Variants in NTM observed in about 807,000 individuals in gnomAD.
NTM encodes IgLON family member 2.
In NTM, 13 loss-of-function variants were observed where a neutral mutation model predicts 42.1. The ratio of observed to expected loss-of-function variants is 0.31; its 90% CI spans 0.20 to 0.49. The LOEUF is 0.49. NTM is among the 20% of genes least tolerant of loss of function. The probability of loss-of-function intolerance (pLI) is 0.99; values close to 1 mark genes in which losing one functional copy is unlikely to be tolerated. For synonymous variants in NTM, 187 were observed against 179.2 expected, an observed-to-expected ratio of 1.04 and a Z score of -0.35; for missense variants, 373 against 452.8, an observed-to-expected ratio of 0.82 and a Z score of 1.60.
chr11:131,772,623 C>G (rs1348521228), intron 1 of NTM, among the ~76,000 whole-genome samples: 1 of 152,154 alleles, frequency 6.6e-6, no homozygotes, highest in Non-Finnish European at 1.5e-5. Flanking sequence ...TTCCTTACTT[C>G]CAAGTCTCTA....
At chr11:131,737,967 A>G (rs992860487) in intron 1 of NTM, among the ~76,000 whole-genome samples, 1 of 152,206 alleles carries the variant, frequency 6.6e-6, no homozygotes, top group Non-Finnish European at 1.5e-5. Flanking sequence ...ATATGCCTGC[A>G]CAGGGGCCAA....
At chr11:131,403,464 T>G (rs1047341295) in intron 1 of NTM, among the ~76,000 whole-genome samples, 2 of 147,150 alleles carry the variant, frequency 1.4e-5, no homozygotes, top group African/African-American at 5.5e-5. Context: ...CCTATCCACT[T>G]TCTCTGATCC....
intron 3 of NTM, among the ~76,000 whole-genome samples, chr11:132,182,258 C>G (rs1189777312): frequency 6.6e-6 from 1 of 151,994 alleles, no homozygotes; most frequent in African/African-American, 2.4e-5. Flanking sequence ...CCCTTGTTTT[C>G]TATTCTGCTC....
At chr11:132,292,513 A>G (rs1490168617) in intron 4 of NTM, among the ~76,000 whole-genome samples, 1 of 152,130 alleles carries the variant, frequency 6.6e-6, no homozygotes, top group Non-Finnish European at 1.5e-5. Context: ...AGCATGAAGA[A>G]GGGGAAAAAT....
chr11:131,981,612 T>C (rs1285811419), intron 2 of NTM: 1 of 152,232 alleles, frequency 6.6e-6, no homozygotes, highest in African/African-American at 2.4e-5. Context: ...CATCGTCTTA[T>C]CATTTTCTCT....
chr11:131,815,331 TTGTA>T (rs2092908134), intron 1 of NTM, among the ~76,000 whole-genome samples: 1 of 152,068 alleles, frequency 6.6e-6, no homozygotes, highest in Non-Finnish European at 1.5e-5. Flanking sequence ...CTCTGCCCTC[TTGTA>T]TGCTGGGCCA....
intron 1 of NTM, among the ~76,000 whole-genome samples, chr11:131,615,962 G>A (rs766916445): frequency 3.3e-5 from 5 of 152,362 alleles, no homozygotes; most frequent in African/African-American, 4.8e-5. Flanking sequence ...AGAGCCGAAT[G>A]TAAGAAGCAA....
At chr11:131,489,197 T>A (rs975849432) in intron 1 of NTM, among the ~76,000 whole-genome samples, 1 of 152,230 alleles carries the variant, frequency 6.6e-6, no homozygotes, top group Admixed American at 6.5e-5. Context: ...TTCTGGCCTC[T>A]TTGCTATGCC....
intron 1 of NTM, among the ~76,000 whole-genome samples, chr11:131,740,950 A>G (rs554024283): frequency 6.0e-4 from 92 of 152,214 alleles, no homozygotes; most frequent in African/African-American, 2.0e-3. Flanking sequence ...TACAGATCAC[A>G]GGTCAGGAGT....
chr11:131,569,576 T>C lies in NTM; in HGVS notation c.82+198688T>C, dbSNP rs77495674. On this transcript the variant is annotated intron_variant, in intron 1 of 8. Transcript: ENST00000683400. Reference sequence around the variant, plus strand: ...TAACTTTTCTTTTTTTCTTCTCTCTTTTTTTTTTTTTTTTTCTTTGATACA... The same window carrying C: ...TAACTTTTCTTTTTTTCTTCTCTCTCTTTTTTTTTTTTTTTCTTTGATACA... Among the ~76,000 whole-genome samples the C allele has an allele frequency of 3.4e-3, 459 of 135,526 alleles. 2 individuals are homozygous for C. The highest frequency in any genetic ancestry group is 8.6e-3 in the African/African-American group (262 of 30,328). 88.9% of individuals were successfully genotyped at this position (135,526 alleles called of 152,430 possible). A position where few individuals can be genotyped will look rare whatever the true frequency, so the allele number is the denominator to read the frequency against.
At chr11:131,566,362 G>T (rs540717687) in intron 1 of NTM, among the ~76,000 whole-genome samples, 44 of 152,176 alleles carry the variant, frequency 2.9e-4, no homozygotes, top group Non-Finnish European at 5.1e-4. Context: ...ACTCCTTTAT[G>T]CTGCTTTCTC....
intron 2 of NTM, among the ~76,000 whole-genome samples, chr11:132,125,910 ATG>A (rs146616446): frequency 6.7e-6 from 1 of 149,474 alleles, no homozygotes; most frequent in South Asian, 2.1e-4. Context: ...ATGTGTTTGT[ATG>A]TGTGTGTGTG....
chr11:131,994,022 AG>A (rs1478580703), intron 2 of NTM, among the ~76,000 whole-genome samples: 1 of 147,288 alleles, frequency 6.8e-6, no homozygotes, highest in East Asian at 1.9e-4. Context: ...AAAAAAAAGA[AG>A]AAGAAGAAGA....
chr11:132,170,054 C>T (rs982449125), intron 3 of NTM, among the ~76,000 whole-genome samples: 8 of 152,188 alleles, frequency 5.3e-5, no homozygotes, highest in African/African-American at 1.9e-4. Context: ...GCTACAGAAA[C>T]CAGCAACTAC....
chr11:131,589,454 C>T (rs2059170510), intron 1 of NTM, among the ~76,000 whole-genome samples: 1 of 152,152 alleles, frequency 6.6e-6, no homozygotes, highest in Non-Finnish European at 1.5e-5. Flanking sequence ...CACATCCATT[C>T]TCCATCCAGA....
chr11:132,320,392 T>G (rs2095534067), intron 7 of NTM, among the ~76,000 whole-genome samples: 1 of 152,312 alleles, frequency 6.6e-6, no homozygotes, highest in African/African-American at 2.4e-5. Flanking sequence ...GAGTTCCCTT[T>G]CCTAATCAAA....
intron 2 of NTM, among the ~76,000 whole-genome samples, chr11:132,142,762 A>G (rs1348510983): frequency 6.6e-6 from 1 of 152,200 alleles, no homozygotes; most frequent in African/African-American, 2.4e-5. Flanking sequence ...AGTACATCAC[A>G]GGAGCCGCAG....
chr11:131,810,721 C>A (rs2136306857), intron 1 of NTM, among the ~76,000 whole-genome samples: 1 of 152,318 alleles, frequency 6.6e-6, no homozygotes, highest in East Asian at 1.9e-4. Flanking sequence ...TGCCAGGAAG[C>A]AGAAGTTGCT....
At chr11:131,677,781 G>T (rs1332189664) in intron 1 of NTM, among the ~76,000 whole-genome samples, 1 of 152,202 alleles carries the variant, frequency 6.6e-6, no homozygotes, top group Non-Finnish European at 1.5e-5. Context: ...GAAATGTCAG[G>T]ACTGAACAGC....
Sources: allele counts gnomAD v4.1 joint callset (sites outside exome capture counted in the v4.1 genomes callset), GRCh38; gene constraint gnomAD v4.1.1; transcripts MANE v1.5; gene names NCBI Gene and HGNC (gene_info 2026-07-23, HGNC 2026-07-21).